ATRN: variants seen among roughly 807,000 people sequenced by gnomAD.
The protein encoded by ATRN is attractin-2.
A neutral mutation model predicts 178.7 loss-of-function variants in ATRN; 54 were observed. The observed-to-expected ratio is 0.30, with a 90% CI of 0.24 to 0.38. The LOEUF is 0.38. ATRN is among the 10% of genes least tolerant of loss of function. The pLI is 1.00. For missense variants in ATRN, 1,443 were observed against 1,815.1 expected, an observed-to-expected ratio of 0.79 and a Z score of 3.73; for synonymous variants, 636 against 663.0, an observed-to-expected ratio of 0.96 and a Z score of 0.63.
At chr20:3,581,852 A>G (rs918682956) in intron 15 of ATRN, among the ~76,000 whole-genome samples, 3 of 152,186 alleles carry the variant, frequency 2.0e-5, no homozygotes, top group African/African-American at 4.8e-5. Flanking sequence ...CTAATCTACC[A>G]TGGCTGAGTC....
Position 3,651,073 on chromosome 20 carries a change from C to T in ATRN, c.*4226C>T, listed in dbSNP as rs964306679. 6.6e-6 allele frequency: 1 copy of T among 152,548 alleles called. No individual in the cohort carries two copies. The highest frequency in any genetic ancestry group is 2.4e-5 in the African/African-American group (1 of 41,424). The allele number at this position is 152,548 out of a possible 1,614,324, so 9.4% of individuals were successfully genotyped here. A position where few individuals can be genotyped will look rare whatever the true frequency, so the allele number is the denominator to read the frequency against. On this transcript the variant is annotated 3_prime_UTR_variant, in exon 29 of 29. Transcript: ENST00000262919. ...ACTTGTATATAAACAAAAGTAAATA[C>T]TATAATACAAACTTCCTTCTGAAAT...
chr20:3,541,629 T>C (rs1445819603), intron 3 of ATRN, among the ~76,000 whole-genome samples: 3 of 152,180 alleles, frequency 2.0e-5, no homozygotes, highest in Non-Finnish European at 4.4e-5. Flanking sequence ...TATCTAAACA[T>C]ATCTATACAT....
intron 6 of ATRN, among the ~76,000 whole-genome samples, chr20:3,553,498 T>C (rs1811814839): frequency 6.6e-6 from 1 of 152,212 alleles, no homozygotes; most frequent in Non-Finnish European, 1.5e-5. Context: ...TTGCTAAACA[T>C]GAACTGGGGT....
At chr20:3,587,694 GT>G (rs1451626826) in intron 18 of ATRN, among the ~76,000 whole-genome samples, 1 of 152,142 alleles carries the variant, frequency 6.6e-6, no homozygotes, top group East Asian at 1.9e-4. Context: ...TTGCAAGACT[GT>G]TACAGCTATT....
At chr20:3,549,453 G>T in intron 6 of ATRN, 115 bp downstream of exon 6, 1 of 950,392 alleles carries the variant, frequency 1.1e-6, no homozygotes, top group Non-Finnish European at 1.5e-6. Flanking sequence ...GAAAATCCCT[G>T]TTAATATTTT....
intron 11 of ATRN, among the ~76,000 whole-genome samples, chr20:3,568,318 A>G (rs2086067974): frequency 6.7e-6 from 1 of 150,088 alleles, no homozygotes; most frequent in Admixed American, 6.6e-5. Flanking sequence ...AAGAAACCTT[A>G]TATTAATTTT....
At chr20:3,591,375 ATATC>A in intron 19 of ATRN, 69 bp downstream of exon 19, 4 of 1,523,696 alleles carry the variant, frequency 2.6e-6, no homozygotes, top group Non-Finnish European at 3.5e-6. Flanking sequence ...TTTGACTTGA[ATATC>A]TAGGAGGAAA....
intron 1 of ATRN, among the ~76,000 whole-genome samples, chr20:3,496,918 G>A (rs1477970390): frequency 6.7e-6 from 1 of 150,286 alleles, no homozygotes; most frequent in Non-Finnish European, 1.5e-5. Context: ...TTATGTAATG[G>A]CCTTCTTTGT....
chr20:3,557,279 TC>T (rs1279865928), intron 6 of ATRN, among the ~76,000 whole-genome samples: 2 of 152,154 alleles, frequency 1.3e-5, no homozygotes, highest in African/African-American at 4.8e-5. Context: ...TGAGAATGAT[TC>T]AGAATTCTTC....
At chr20:3,505,189 G>T (rs2085024299) in intron 1 of ATRN, among the ~76,000 whole-genome samples, 2 of 152,186 alleles carry the variant, frequency 1.3e-5, no homozygotes, top group African/African-American at 2.4e-5. Context: ...CCAATTGTTT[G>T]AGGGCGTAGA....
Position 3,624,670 on chromosome 20 carries a change from T to A in ATRN, c.3863+98T>A, listed in dbSNP as rs1267283952. ...CTAAAAGATAAAAAGAATAATCCTG[T>A]GTTTCCACCACAGATTAAATTTACT... On this transcript the variant is annotated intron_variant, in intron 25 of 28. Transcript: ENST00000262919. The A allele has an allele frequency of 3.6e-5, 37 of 1,023,714 alleles. No individual in the cohort carries two copies. In the South Asian group the frequency reaches 4.5e-4, roughly 13 times the overall value. The allele number at this position is 1,023,714 out of a possible 1,614,324, so 63.4% of individuals were successfully genotyped here.
At chr20:3,605,859 C>T (rs1188646489) in intron 24 of ATRN, among the ~76,000 whole-genome samples, 1 of 152,106 alleles carries the variant, frequency 6.6e-6, no homozygotes, top group Non-Finnish European at 1.5e-5. Context: ...ACACGTTTAC[C>T]TATGTAACAA....
intron 18 of ATRN, among the ~76,000 whole-genome samples, chr20:3,589,368 T>C (rs1030045011): frequency 2.6e-5 from 4 of 152,108 alleles, no homozygotes; most frequent in Non-Finnish European, 5.9e-5. Context: ...TTAACGATTT[T>C]TTTTTCTGTC....
intron 18 of ATRN, among the ~76,000 whole-genome samples, chr20:3,590,756 A>G (rs1326019163): frequency 6.6e-6 from 1 of 152,238 alleles, no homozygotes; most frequent in Non-Finnish European, 1.5e-5. Context: ...GAATATTAAT[A>G]TGAACATAAT....
At chr20:3,498,657 A>G (rs976713983) in intron 1 of ATRN, among the ~76,000 whole-genome samples, 3 of 152,204 alleles carry the variant, frequency 2.0e-5, no homozygotes, top group African/African-American at 7.2e-5. Context: ...AACTCTCAGT[A>G]AATTAGGTAT....
At chr20:3,633,887 C>T (rs1479270875) in intron 25 of ATRN, among the ~76,000 whole-genome samples, 1 of 151,944 alleles carries the variant, frequency 6.6e-6, no homozygotes, top group Admixed American at 6.5e-5. Context: ...TTGCCTCTTC[C>T]TTATGAAAAG....
intron 18 of ATRN, among the ~76,000 whole-genome samples, chr20:3,589,343 C>T (rs1353055798): frequency 1.3e-5 from 2 of 151,822 alleles, no homozygotes; most frequent in African/African-American, 4.8e-5. Flanking sequence ...AATATGTAGT[C>T]TCCTGTTTAA....
At chr20:3,606,813 C>T (rs1213294767) in intron 24 of ATRN, among the ~76,000 whole-genome samples, 1 of 152,068 alleles carries the variant, frequency 6.6e-6, no homozygotes, top group African/African-American at 2.4e-5. Flanking sequence ...CCTTCCTGTC[C>T]TTGTTATGGT....
intron 24 of ATRN, among the ~76,000 whole-genome samples, chr20:3,606,148 A>G (rs1160119906): frequency 1.3e-5 from 2 of 152,174 alleles, no homozygotes; most frequent in South Asian, 2.1e-4. Context: ...TCTTGTAAGC[A>G]TCAGCCACGC....
Sources: gnomAD v4.1 joint callset for allele counts (sites outside exome capture counted in the v4.1 genomes callset) on GRCh38, gnomAD v4.1.1 for gene constraint, MANE v1.5 for transcripts, NCBI Gene and HGNC (gene_info 2026-07-23, HGNC 2026-07-21) for gene names.